The following KCNT2 variants were observed in gnomAD, a reference collection of about 807,000 sequenced individuals.
KCNT2 encodes potassium channel subfamily T member 2.
In KCNT2, 67 loss-of-function variants were observed where a neutral mutation model predicts 153.8. That is an observed-to-expected ratio of 0.44 (90% CI 0.36 to 0.53). The LOEUF (loss-of-function observed/expected upper bound fraction) is 0.53, where lower values mean the gene tolerates loss of function less well. KCNT2 is among the 20% of genes least tolerant of loss of function. KCNT2 has a pLI of 0.00. For synonymous variants in KCNT2, 500 were observed against 458.8 expected, an observed-to-expected ratio of 1.09 and a Z score of -1.15; for missense variants, 975 against 1,354.8, an observed-to-expected ratio of 0.72 and a Z score of 4.40.
chr1:196,332,931 C>T (rs551604039), intron 17 of KCNT2, among the ~76,000 whole-genome samples: 2 of 151,592 alleles, frequency 1.3e-5, no homozygotes, highest in African/African-American at 4.8e-5. Context: ...ATTGCAGGCG[C>T]GCACCACCAC....
chr1:196,348,656 T>C (rs1323415662), intron 14 of KCNT2, among the ~76,000 whole-genome samples: 2 of 152,004 alleles, frequency 1.3e-5, no homozygotes, highest in East Asian at 3.9e-4. Flanking sequence ...AGTTAAAAAA[T>C]AACAGAATAT....
chr1:196,549,070 GGT>G (rs1657541707), intron 1 of KCNT2, among the ~76,000 whole-genome samples: 1 of 151,996 alleles, frequency 6.6e-6, no homozygotes, highest in Non-Finnish European at 1.5e-5. Context: ...CGAGTTAGTG[GGT>G]GCAGCGCACC....
At chr1:196,238,928 C>A (rs1654699181) in intron 26 of KCNT2, among the ~76,000 whole-genome samples, 1 of 151,870 alleles carries the variant, frequency 6.6e-6, no homozygotes, top group African/African-American at 2.4e-5. Context: ...AGCCATGATC[C>A]TGGAATATTT....
intron 8 of KCNT2, among the ~76,000 whole-genome samples, chr1:196,450,926 T>A (rs1037425245): frequency 6.6e-6 from 1 of 151,912 alleles, no homozygotes; most frequent in Non-Finnish European, 1.5e-5. Flanking sequence ...ATACTTCATT[T>A]ATTTCCCTAT....
intron 1 of KCNT2, among the ~76,000 whole-genome samples, chr1:196,559,807 A>T (rs1388890970): frequency 6.6e-6 from 1 of 151,512 alleles, no homozygotes; most frequent in African/African-American, 2.4e-5. Flanking sequence ...TATTCTCTGA[A>T]TTTTTTTATA....
intron 22 of KCNT2, among the ~76,000 whole-genome samples, chr1:196,287,832 C>T (rs1006926733): frequency 6.6e-6 from 1 of 152,044 alleles, no homozygotes; most frequent in African/African-American, 2.4e-5. Context: ...TGAATATGGG[C>T]CAGGAGCTAG....
intron 1 of KCNT2, among the ~76,000 whole-genome samples, chr1:196,595,480 G>A (rs1308449573): frequency 6.6e-6 from 1 of 152,014 alleles, no homozygotes; most frequent in Non-Finnish European, 1.5e-5. Flanking sequence ...TCTAGAGGGG[G>A]CTGGTTCCAG....
intron 22 of KCNT2, among the ~76,000 whole-genome samples, chr1:196,304,838 C>G (rs1245197666): frequency 6.6e-6 from 1 of 152,126 alleles, no homozygotes; most frequent in African/African-American, 2.4e-5. Context: ...TGCCAAACTT[C>G]TACTGGGGAG....
At position 196,430,425 on chromosome 1, in the gene KCNT2, T is replaced by C. The variant is rs186975282; in HGVS notation, c.639-668A>G. On this transcript the variant is annotated intron_variant, in intron 8 of 27. Transcript: ENST00000294725. ...CTCTCTCTTTCTCTCTCTCTTTCTC[T>C]CTCTCTTTCTCTCTCTCTGTCTCAT... is the stretch of plus-strand genomic sequence containing the variant. Among the ~76,000 whole-genome samples, 1,044 of 152,040 alleles carry C rather than the reference T, an allele frequency of 6.9e-3. 5 individuals carry two copies. Among genetic ancestry groups the C allele is most frequent in the Admixed American group, 0.011 (168 of 15,228 alleles).
chr1:196,489,262 T>C (rs1295267180), intron 3 of KCNT2, among the ~76,000 whole-genome samples: 1 of 151,980 alleles, frequency 6.6e-6, no homozygotes, highest in Non-Finnish European at 1.5e-5. Context: ...ATTTAACAAA[T>C]AACTATTGTT....
chr1:196,379,614 T>C (rs943246322), intron 13 of KCNT2, among the ~76,000 whole-genome samples: 2 of 151,420 alleles, frequency 1.3e-5, no homozygotes, highest in Non-Finnish European at 2.9e-5. Flanking sequence ...TCTCTGTATA[T>C]ATGGAGAGAG....
chr1:196,531,264 A>C lies in KCNT2; in HGVS notation c.96-38923T>G, dbSNP rs117419772. ...GTGAAAATACATTCTTGCCATTCTCATAGCAGAATCCCCTCACAGACTTCC... is the reference window on the plus strand; with the variant it reads ...GTGAAAATACATTCTTGCCATTCTCCTAGCAGAATCCCCTCACAGACTTCC... On this transcript the variant is annotated intron_variant, in intron 1 of 27. Transcript: ENST00000294725. Among the ~76,000 whole-genome samples the C allele has an allele frequency of 5.3e-4, 81 of 152,190 alleles. 1 individual carries two copies. The East Asian group carries it at 0.014, about 27-fold the overall frequency.
chr1:196,423,228 G>A (rs995076699), intron 11 of KCNT2, 115 bp from the exon 12 acceptor site: 5 of 544,280 alleles, frequency 9.2e-6, no homozygotes, highest in African/African-American at 2.0e-5. Flanking sequence ...TGTAGACCAT[G>A]TATATCCTTA....
At position 196,367,090 on chromosome 1, in the gene KCNT2, A is replaced by AGGATTTGTGATTC. The variant is rs545278045; in HGVS notation, c.1403+6037_1403+6049dup. ...AACAGAAAGAATTTTGTTTGTGATTAGGATTTGTGATTCCTGAAGAGTATA... is the reference window on the plus strand; with the variant it reads ...AACAGAAAGAATTTTGTTTGTGATTAGGATTTGTGATTCGGATTTGTGATTCCTGAAGAGTATA... On this transcript the variant is annotated intron_variant, in intron 14 of 27. Coordinates refer to ENST00000294725, the MANE Select transcript of KCNT2 (RefSeq NM_198503.5). Among the ~76,000 whole-genome samples the AGGATTTGTGATTC allele has an allele frequency of 8.2e-4, 125 of 152,284 alleles. 2 individuals carry two copies. The East Asian group carries it at 0.022, about 27-fold the overall frequency.
chr1:196,242,086 A>G (rs763055995), intron 26 of KCNT2, among the ~76,000 whole-genome samples: 84 of 152,106 alleles, frequency 5.5e-4, no homozygotes, highest in Non-Finnish European at 5.7e-4. Flanking sequence ...CTTCAAGGCT[A>G]CTGGGTGCCC....
chr1:196,295,127 A>G (rs1346847630), intron 22 of KCNT2, among the ~76,000 whole-genome samples: 1 of 151,452 alleles, frequency 6.6e-6, no homozygotes, highest in Non-Finnish European at 1.5e-5. Context: ...ACACATTGTA[A>G]ATATATATAT....
At chr1:196,294,933 T>C (rs974255901) in intron 22 of KCNT2, among the ~76,000 whole-genome samples, 6 of 151,470 alleles carry the variant, frequency 4.0e-5, no homozygotes, top group African/African-American at 1.5e-4. Context: ...ATCAAAAGAG[T>C]GCAACGTTTC....
chr1:196,228,133 T>G lies in KCNT2; in HGVS notation c.*91A>C. The G allele has an allele frequency of 1.5e-6, 1 of 685,336 alleles. No homozygotes were observed. Among genetic ancestry groups the G allele is most frequent in the Non-Finnish European group, 2.6e-6 (1 of 384,996 alleles). The allele number at this position is 685,336 out of a possible 1,614,324, so 42.5% of individuals were successfully genotyped here. On this transcript the variant is annotated 3_prime_UTR_variant, in exon 28 of 28. Coordinates refer to ENST00000294725, the MANE Select transcript of KCNT2 (RefSeq NM_198503.5). Reference sequence around the variant, plus strand: ...CGTTTTTAAATATGAGAGAATTACATATATTTCCATCTAGTTTCTTTCGTG... The same window carrying G: ...CGTTTTTAAATATGAGAGAATTACAGATATTTCCATCTAGTTTCTTTCGTG...
In KCNT2 at chr1:196,273,600, A is replaced by G. The variant is rs1658278730; in HGVS notation, c.2910+7260T>C. On this transcript the variant is annotated intron_variant, in intron 25 of 27. Transcript: ENST00000294725. ...AGGACAAAATGTAACATATACCCAC[A>G]TAACAAAATCCAATTGCATGCATAT... 12 of 687,172 alleles carry G rather than the reference A, an allele frequency of 1.7e-5. No individual in the cohort carries two copies. The South Asian group carries it at 1.9e-4, about 11-fold the overall frequency. 42.6% of individuals were successfully genotyped at this position (687,172 alleles called of 1,614,324 possible).
Sources: gnomAD v4.1 joint callset for allele counts (sites outside exome capture counted in the v4.1 genomes callset) on GRCh38, gnomAD v4.1.1 for gene constraint, MANE v1.5 for transcripts, NCBI Gene and HGNC (gene_info 2026-07-23, HGNC 2026-07-21) for gene names.